The following RASSF3 variants were observed in gnomAD, a reference collection of about 807,000 sequenced individuals.
RASSF3 encodes ras association domain-containing protein 3.
Under a neutral mutation model 19.9 loss-of-function variants are expected in RASSF3, and 19 were observed. That is an observed-to-expected ratio of 0.96 (90% CI 0.67 to 1.40). The LOEUF (loss-of-function observed/expected upper bound fraction) is 1.40. Among genes scored for constraint, RASSF3 ranks in the 40% most tolerant of loss-of-function variants. The pLI is 0.00. For synonymous variants in RASSF3, 110 were observed against 104.2 expected (o/e 1.06, Z -0.34); for missense variants, 306 against 289.8 (o/e 1.06, Z -0.41).
At position 64,687,627 on chromosome 12, in the gene RASSF3, A is replaced by G. The variant is rs1185917329; in HGVS notation, c.220-589A>G. ...GCTTAAGAGACCCGAAATGCATTCT[A>G]TGCTGTATGGCATATATGCTGCATT... On this transcript the variant is annotated intron_variant, in intron 2 of 4. Coordinates refer to ENST00000542104, the MANE Select transcript of RASSF3 (RefSeq NM_178169.4). 2.0e-5 allele frequency among the ~76,000 whole-genome samples: 3 copies of G among 152,184 alleles called. No homozygotes were observed. The East Asian group carries it at 5.8e-4, about 29-fold the overall frequency.
In RASSF3 at chr12:64,684,451, A is replaced by T. The variant is rs1167092636; in HGVS notation, c.112-336A>T. Among the ~76,000 whole-genome samples, 13 of 122,844 alleles carry T rather than the reference A, an allele frequency of 1.1e-4. 1 individual carries two copies. Among genetic ancestry groups the T allele is most frequent in the Admixed American group, 3.2e-4 (4 of 12,364 alleles). 80.6% of individuals were successfully genotyped at this position (122,844 alleles called of 152,430 possible). A position where few individuals can be genotyped will look rare whatever the true frequency, so the allele number is the denominator to read the frequency against. On this transcript the variant is annotated intron_variant, in intron 1 of 4. Coordinates refer to ENST00000542104, the MANE Select transcript of RASSF3 (RefSeq NM_178169.4). The stretch of plus-strand genomic sequence containing the variant: ...TGTTTGTTTGTTTTTTTTTTTTGAG[A>T]CAGAGTTTTGCTCTTGTTGCCCAGG...
chr12:64,694,531 C>T (rs1284034406), intron 4 of RASSF3, among the ~76,000 whole-genome samples: 1 of 152,000 alleles, frequency 6.6e-6, no homozygotes, highest in Non-Finnish European at 1.5e-5. Flanking sequence ...TTAGGGAGAT[C>T]GTCTTGAACA....
At chr12:64,652,364 T>C (rs1031100349) in intron 1 of RASSF3, among the ~76,000 whole-genome samples, 8 of 152,194 alleles carry the variant, frequency 5.3e-5, no homozygotes, top group Non-Finnish European at 1.0e-4. Flanking sequence ...TTGGGCTTTT[T>C]TTTTAAACAC....
intron 1 of RASSF3, among the ~76,000 whole-genome samples, chr12:64,615,579 CT>C (rs1050595973): frequency 1.3e-5 from 2 of 151,898 alleles, no homozygotes; most frequent in African/African-American, 4.8e-5. Flanking sequence ...GAGCTGCACT[CT>C]TTTATTAGTG....
Position 64,594,013 on chromosome 12 carries a change from A to C in RASSF3, c.294+52308A>C, listed in dbSNP as rs1301958833. 3.9e-4 allele frequency among the ~76,000 whole-genome samples: 4 copies of C among 10,312 alleles called. No individual in the cohort carries two copies. The East Asian group carries it at 0.016, about 42-fold the overall frequency. 6.8% of individuals were successfully genotyped at this position (10,312 alleles called of 152,430 possible). A position where few individuals can be genotyped will look rare whatever the true frequency, so the allele number is the denominator to read the frequency against. ...GGCGACAGGGTGAGACTCTGTCTCA[A>C]AAAAAAAAAAAAAAAAAAAAAAGCA... On this transcript the variant is annotated intron_variant, in intron 2 of 5. Transcript: ENST00000637125.
At chr12:64,595,290 A>G (rs975586578) in intron 2 of RASSF3, among the ~76,000 whole-genome samples, 2 of 152,004 alleles carry the variant, frequency 1.3e-5, no homozygotes, top group Non-Finnish European at 2.9e-5. Context: ...CTGGTCTCGA[A>G]GTCCTGACCT....
chr12:64,518,425 A>C (rs981001077), intron 1 of RASSF3, among the ~76,000 whole-genome samples: 2 of 152,252 alleles, frequency 1.3e-5, no homozygotes, highest in African/African-American at 4.8e-5. Flanking sequence ...AGAAGAAGAC[A>C]GTGTATCACA....
chr12:64,552,666 G>C (rs958993832), intron 2 of RASSF3, among the ~76,000 whole-genome samples: 12 of 152,102 alleles, frequency 7.9e-5, no homozygotes, highest in African/African-American at 2.7e-4. Context: ...TGAGAAAAAT[G>C]ACTTCCAGCT....
At position 64,688,360 on chromosome 12, in the gene RASSF3, G is replaced by C; in HGVS notation, c.364G>C (p.Gly122Arg). 6.2e-7 allele frequency: 1 copy of C among 1,614,152 alleles called. No individual in the cohort carries two copies. Residue 122 changes from glycine (G) to arginine (R), a missense_variant, in exon 3 of 5, where the codon GGG (glycine) becomes CGG (arginine). Coordinates refer to ENST00000542104, the MANE Select transcript of RASSF3 (RefSeq NM_178169.4). ...TLHISSTNTVGEVIEALLKKF... is the reference protein window; with the variant it reads ...TLHISSTNTVREVIEALLKKF... ...TCATATCAGCAGCACAAACACTGTC[G>C]GGGAAGTGATCGAGGCCCTGCTCAA...
intron 2 of RASSF3, among the ~76,000 whole-genome samples, chr12:64,599,525 T>G (rs1365187323): frequency 6.6e-6 from 1 of 152,202 alleles, no homozygotes; most frequent in Non-Finnish European, 1.5e-5. Context: ...GCAAATCATT[T>G]GTGGCTGGAA....
upstream of RASSF3, among the ~76,000 whole-genome samples, chr12:64,531,679 G>A (rs1248127631): frequency 6.6e-6 from 1 of 152,210 alleles, no homozygotes; most frequent in Non-Finnish European, 1.5e-5. Context: ...TGTTTAGCCT[G>A]TAGCTTTGTG....
chr12:64,624,945 G>A (rs2701850), intron 1 of RASSF3, among the ~76,000 whole-genome samples: 43,938 of 151,852 alleles, frequency 0.29, 6,947 homozygotes, highest in Non-Finnish European at 0.36. Flanking sequence ...GGGATTACAG[G>A]CGTGAGCCAC....
chr12:64,534,478 G>C (rs1868780151), intron 1 of RASSF3, among the ~76,000 whole-genome samples: 1 of 152,160 alleles, frequency 6.6e-6, no homozygotes, highest in Admixed American at 6.6e-5. Flanking sequence ...CTGGGTAACA[G>C]AGTGAGATAC....
chr12:64,529,158 CA>C (rs1196204272), upstream of RASSF3, among the ~76,000 whole-genome samples: 1 of 152,212 alleles, frequency 6.6e-6, no homozygotes, highest in East Asian at 1.9e-4. Flanking sequence ...ACTTGTTAAA[CA>C]GAATACTTAG....
intron 1 of RASSF3, among the ~76,000 whole-genome samples, chr12:64,508,891 A>G (rs75209176): frequency 1.3e-5 from 2 of 151,694 alleles, no homozygotes; most frequent in African/African-American, 4.9e-5. Flanking sequence ...CGTCTCAAAA[A>G]ACAAAAACAA....
chr12:64,619,886 A>G (rs1413654881), intron 1 of RASSF3, among the ~76,000 whole-genome samples: 1 of 151,788 alleles, frequency 6.6e-6, no homozygotes, highest in African/African-American at 2.4e-5. Flanking sequence ...AGGCTGAGAC[A>G]GGAGAATCGC....
At chr12:64,544,618 A>AG (rs547469271), downstream of RASSF3, among the ~76,000 whole-genome samples, 1 of 54,112 alleles carries the variant, frequency 1.8e-5, no homozygotes, top group Non-Finnish European at 7.1e-5. Context: ...ACCCTGTCTC[A>AG]AAAAAAAAAA....
chr12:64,562,732 C>T (rs879615558), intron 2 of RASSF3, among the ~76,000 whole-genome samples: 4 of 151,928 alleles, frequency 2.6e-5, no homozygotes, highest in Non-Finnish European at 4.4e-5. Context: ...GTCATCCCCC[C>T]ACATCAGCCT....
intron 1 of RASSF3, among the ~76,000 whole-genome samples, chr12:64,684,551 C>T (rs766678189): frequency 1.3e-5 from 2 of 151,784 alleles, no homozygotes; most frequent in Non-Finnish European, 2.9e-5. Flanking sequence ...CCTGCCTCAG[C>T]CTCCCAAGTA....
Sources: allele counts gnomAD v4.1 joint callset (sites outside exome capture counted in the v4.1 genomes callset), GRCh38; gene constraint gnomAD v4.1.1; transcripts MANE v1.5; gene names NCBI Gene and HGNC (gene_info 2026-07-23, HGNC 2026-07-21).